Variants in UGGT1 observed in about 807,000 individuals in gnomAD.
UGGT1 encodes UDP-glucose glycoprotein glucosyltransferase 1.
UGGT1 carries 107 observed loss-of-function variants against 203.9 expected under a neutral mutation model. The ratio of observed to expected loss-of-function variants is 0.52; its 90% CI spans 0.45 to 0.62. The LOEUF is 0.62. Ranked by LOEUF, UGGT1 falls within the 20% of genes least tolerant of loss-of-function variation. The pLI is 0.00. For synonymous variants in UGGT1, 628 were observed against 653.5 expected (o/e 0.96, Z 0.59); for missense variants, 1,673 against 1,867.2 (o/e 0.90, Z 1.92).
chr2:128,135,299 A>G (rs1462356463), intron 15 of UGGT1, among the ~76,000 whole-genome samples: 4 of 152,254 alleles, frequency 2.6e-5, no homozygotes, highest in Non-Finnish European at 5.9e-5. Context: ...GAGCATTGCC[A>G]ATAACTTGTT....
chr2:128,173,641 T>C (rs1003778116), intron 29 of UGGT1, 140 bp from the exon 30 acceptor site: 2 of 1,036,330 alleles, frequency 1.9e-6, no homozygotes, highest in South Asian at 3.5e-5. Flanking sequence ...ATTATACTTT[T>C]GTCTTTTCTT....
intron 16 of UGGT1, among the ~76,000 whole-genome samples, chr2:128,140,968 G>T (rs891537552): frequency 2.6e-5 from 4 of 151,876 alleles, no homozygotes; most frequent in African/African-American, 9.7e-5. Flanking sequence ...GATTTTACGT[G>T]TGAGCCACTG....
chr2:128,103,325 A>G (rs557483573), intron 2 of UGGT1, among the ~76,000 whole-genome samples: 1 of 152,176 alleles, frequency 6.6e-6, no homozygotes, highest in South Asian at 2.1e-4. Flanking sequence ...CCATTATTTT[A>G]GTAGGATAAA....
chr2:128,155,425 C>T, intron 19 of UGGT1, 64 bp from the exon 20 acceptor site: 1 of 1,189,360 alleles, frequency 8.4e-7, no homozygotes. Flanking sequence ...GTCAGGTTAT[C>T]AGTTGAATAT....
Position 128,189,963 on chromosome 2 carries a change from G to A in UGGT1, c.*221G>A, listed in dbSNP as rs765666943. 4 of 509,826 alleles carry A rather than the reference G, an allele frequency of 7.8e-6. No homozygotes were observed. The highest frequency in any genetic ancestry group is 3.2e-5 in the Admixed American group (1 of 31,666). The allele number at this position is 509,826 out of a possible 1,614,324, so 31.6% of individuals were successfully genotyped here. A position where few individuals can be genotyped will look rare whatever the true frequency, so the allele number is the denominator to read the frequency against. ...TTGTACCTCAGAGGAAGACCAAGTG[G>A]CTGATCCTTTGGACTCTGTAAAGAG... On this transcript the variant is annotated 3_prime_UTR_variant, in exon 41 of 41. Coordinates refer to ENST00000259253, the MANE Select transcript of UGGT1 (RefSeq NM_020120.4).
intron 14 of UGGT1, among the ~76,000 whole-genome samples, chr2:128,134,309 T>C (rs554654755): frequency 1.3e-5 from 2 of 152,370 alleles, no homozygotes; most frequent in South Asian, 4.1e-4. Context: ...GTGCTGGGAT[T>C]ACAGGTGTGA....
chr2:128,094,101 G>A (rs528433266), intron 1 of UGGT1, among the ~76,000 whole-genome samples: 5 of 152,068 alleles, frequency 3.3e-5, no homozygotes, highest in Non-Finnish European at 7.4e-5. Context: ...GTGCAGTGGC[G>A]TCCAATTCGT....
intron 32 of UGGT1, among the ~76,000 whole-genome samples, chr2:128,177,161 A>G (rs1466690870): frequency 6.6e-6 from 1 of 152,126 alleles, no homozygotes; most frequent in Non-Finnish European, 1.5e-5. Context: ...ATATAGCCAC[A>G]ATTCATAGTG....
At chr2:128,093,411 G>A (rs1686963470) in intron 1 of UGGT1, among the ~76,000 whole-genome samples, 4 of 152,224 alleles carry the variant, frequency 2.6e-5, no homozygotes, top group East Asian at 3.9e-4. Context: ...ATAATGCTAG[G>A]CGTGGAGACC....
At chr2:128,092,036 C>G (rs1686889405) in intron 1 of UGGT1, among the ~76,000 whole-genome samples, 1 of 152,106 alleles carries the variant, frequency 6.6e-6, no homozygotes, top group African/African-American at 2.4e-5. Context: ...CAATTTTGTT[C>G]GTTTGAAGTC....
chr2:128,182,311 T>C, intron 37 of UGGT1, 21 bp downstream of exon 37: 1 of 1,597,742 alleles, frequency 6.3e-7, no homozygotes, highest in South Asian at 1.1e-5. Flanking sequence ...GAAGCACTCC[T>C]AACACTGTTA....
At chr2:128,107,892 T>C in intron 3 of UGGT1, 46 bp from the exon 4 acceptor site, 2 of 1,611,760 alleles carry the variant, frequency 1.2e-6, no homozygotes, top group Non-Finnish European at 8.5e-7. Context: ...TCTTTAGATA[T>C]CTCTAGTCAT....
intron 12 of UGGT1, 110 bp from the exon 13 acceptor site, chr2:128,128,919 A>G (rs775432767): frequency 7.3e-6 from 8 of 1,093,210 alleles, no homozygotes; most frequent in Non-Finnish European, 1.0e-5. Flanking sequence ...AAATTTCTCA[A>G]TTAATTTGAT....
Position 128,170,410 on chromosome 2 carries a change from A to G in UGGT1, c.3024+20A>G, listed in dbSNP as rs1691035284. ...CTCTTGGTAGGAACGCTGTGCAGGA[A>G]GTGTACATCACCTTTGTTTGAAGTT... On this transcript the variant is annotated intron_variant, in intron 27 of 40. Transcript: ENST00000259253. The G allele has an allele frequency of 6.2e-7, 1 of 1,600,478 alleles. No homozygotes were observed. The highest frequency in any genetic ancestry group is 8.6e-7 in the Non-Finnish European group (1 of 1,167,886).
chr2:128,114,750 T>G (rs558440845), intron 6 of UGGT1, among the ~76,000 whole-genome samples: 39 of 152,324 alleles, frequency 2.6e-4, no homozygotes, highest in African/African-American at 8.9e-4. Context: ...CAGCTGTCCA[T>G]TCATCTGGTT....
At chr2:128,176,162 C>A (rs1322889082) in intron 31 of UGGT1, among the ~76,000 whole-genome samples, 1 of 152,090 alleles carries the variant, frequency 6.6e-6, no homozygotes, top group East Asian at 1.9e-4. Context: ...GCCTGTAATC[C>A]CAACACTTTG....
At chr2:128,130,802 G>GT (rs1048218246) in intron 13 of UGGT1, among the ~76,000 whole-genome samples, 3 of 151,280 alleles carry the variant, frequency 2.0e-5, no homozygotes, top group Non-Finnish European at 2.9e-5. Flanking sequence ...TCTTTCTTTT[G>GT]TTTTTTTAGA....
intron 19 of UGGT1, among the ~76,000 whole-genome samples, chr2:128,153,642 T>C (rs1001343599): frequency 6.6e-6 from 1 of 152,266 alleles, no homozygotes; most frequent in African/African-American, 2.4e-5. Context: ...TAGCATATTG[T>C]TAAGGCTTAT....
At chr2:128,093,986 G>A (rs1001767696) in intron 1 of UGGT1, among the ~76,000 whole-genome samples, 1 of 152,132 alleles carries the variant, frequency 6.6e-6, no homozygotes, top group Admixed American at 6.5e-5. Flanking sequence ...CTAATACAAT[G>A]TTTAGCTCAG....
Sources: allele counts gnomAD v4.1 joint callset (sites outside exome capture counted in the v4.1 genomes callset), GRCh38; gene constraint gnomAD v4.1.1; transcripts MANE v1.5; gene names NCBI Gene and HGNC (gene_info 2026-07-23, HGNC 2026-07-21).